SHB: variants seen among roughly 807,000 people sequenced by gnomAD.
The protein encoded by SHB is SH2 domain containing adaptor protein B, also known as SH2 domain-containing adapter protein B.
SHB carries 20 observed loss-of-function variants against 52.3 expected under a neutral mutation model. That is an observed-to-expected ratio of 0.38 (90% CI 0.27 to 0.56). SHB has a LOEUF of 0.56. SHB is among the 20% of genes least tolerant of loss of function. SHB has a pLI of 0.71. For synonymous variants in SHB, 397 were observed against 316.5 expected, an observed-to-expected ratio of 1.25 and a Z score of -2.70; for missense variants, 825 against 723.3, an observed-to-expected ratio of 1.14 and a Z score of -1.61.
intron 1 of SHB, among the ~76,000 whole-genome samples, chr9:38,019,680 G>C (rs2118086042): frequency 6.6e-6 from 1 of 152,284 alleles, no homozygotes; most frequent in East Asian, 1.9e-4. Context: ...GTAACTTTGG[G>C]CAGAATCCAT....
At chr9:37,928,286 A>C (rs1387374144) in intron 5 of SHB, among the ~76,000 whole-genome samples, 3 of 152,220 alleles carry the variant, frequency 2.0e-5, no homozygotes, top group Non-Finnish European at 4.4e-5. Context: ...GCCACAGTGG[A>C]TCCTGGGCTT....
At chr9:37,979,245 C>T (rs550590148) in intron 2 of SHB, among the ~76,000 whole-genome samples, 2 of 152,232 alleles carry the variant, frequency 1.3e-5, no homozygotes, top group Non-Finnish European at 2.9e-5. Flanking sequence ...TAATTTCATG[C>T]CTCTTAGGCA....
chr9:37,920,961 G>A lies in SHB; in HGVS notation c.1347-957C>T, dbSNP rs563367289. 7.2e-5 allele frequency among the ~76,000 whole-genome samples: 11 copies of A among 152,194 alleles called. No homozygotes were observed. In the East Asian group the frequency reaches 2.1e-3, roughly 29 times the overall value. On this transcript the variant is annotated intron_variant, in intron 5 of 5. Transcript: ENST00000377707. The stretch of plus-strand genomic sequence containing the variant: ...TTGCAGCCTGCCTGCATCAGCTCAC[G>A]AGGGCCAAAGCCACAGTCCTCCCAC...
chr9:38,048,748 T>C (rs564449797), intron 1 of SHB, among the ~76,000 whole-genome samples: 39 of 152,356 alleles, frequency 2.6e-4, no homozygotes, highest in Non-Finnish European at 5.1e-4. Flanking sequence ...GTTGGCTGTA[T>C]TCCCTCTCAC....
chr9:37,927,576 A>G (rs917425508), intron 5 of SHB, among the ~76,000 whole-genome samples: 2 of 152,264 alleles, frequency 1.3e-5, no homozygotes, highest in Non-Finnish European at 2.9e-5. Context: ...ATGTAGAGGC[A>G]TAAGGCTCGT....
intron 2 of SHB, among the ~76,000 whole-genome samples, chr9:37,978,782 T>C (rs1820686630): frequency 1.3e-5 from 2 of 152,158 alleles, no homozygotes; most frequent in Admixed American, 6.5e-5. Context: ...ACAGCTACTG[T>C]GTAGAGGAGA....
intron 1 of SHB, among the ~76,000 whole-genome samples, chr9:38,067,241 G>A (rs1000487148): frequency 1.3e-5 from 2 of 152,168 alleles, no homozygotes; most frequent in African/African-American, 4.8e-5. Flanking sequence ...TTCCAGCCGG[G>A]CCTGATAGGC....
intron 5 of SHB, among the ~76,000 whole-genome samples, chr9:37,925,660 G>C (rs1035107282): frequency 5.9e-5 from 9 of 152,196 alleles, no homozygotes; most frequent in Admixed American, 5.9e-4. Flanking sequence ...CTAAGTGGCT[G>C]CGTCTTTTCT....
chr9:37,993,592 C>A (rs1301005809), intron 2 of SHB, among the ~76,000 whole-genome samples: 2 of 151,600 alleles, frequency 1.3e-5, no homozygotes, highest in Admixed American at 6.6e-5. Context: ...ATGAAGAAAT[C>A]CTATTCTTTA....
chr9:38,058,305 A>G (rs943941), intron 1 of SHB, among the ~76,000 whole-genome samples: 82,754 of 151,984 alleles, frequency 0.54, 22,836 homozygotes, highest in Middle Eastern at 0.61. Flanking sequence ...GCACCTCCTG[A>G]CCCCAGAGGG....
chr9:37,986,957 T>G (rs939205803), intron 2 of SHB, among the ~76,000 whole-genome samples: 1 of 152,186 alleles, frequency 6.6e-6, no homozygotes, highest in Non-Finnish European at 1.5e-5. Context: ...CACGGTGCGG[T>G]CTCTGCCTCC....
chr9:38,055,102 T>C (rs1466991456), intron 1 of SHB, among the ~76,000 whole-genome samples: 2 of 152,218 alleles, frequency 1.3e-5, no homozygotes, highest in Non-Finnish European at 2.9e-5. Context: ...TGTAAAATGC[T>C]ATGCAGGTAA....
In SHB at chr9:37,996,359, G is replaced by A. The variant is rs867515581; in HGVS notation, c.838+19652C>T. ...TCATGGTTGAAGCCTGCTCAACAGG[G>A]AGAAATAGCACATAGCTGGGACAGC... On this transcript the variant is annotated intron_variant, in intron 2 of 5. Transcript: ENST00000377707. Among the ~76,000 whole-genome samples, 3 of 152,348 alleles carry A rather than the reference G, an allele frequency of 2.0e-5. No individual in the cohort carries two copies. The Middle Eastern group carries it at 0.01, about 518-fold the overall frequency.
chr9:37,939,693 T>C (rs1296259698), intron 5 of SHB, among the ~76,000 whole-genome samples: 2 of 152,166 alleles, frequency 1.3e-5, no homozygotes, highest in African/African-American at 4.8e-5. Context: ...TAGGGAGGAA[T>C]GGGGGTGTTT....
chr9:37,990,253 T>C (rs1250901605), intron 2 of SHB, among the ~76,000 whole-genome samples: 4 of 152,110 alleles, frequency 2.6e-5, no homozygotes, highest in Non-Finnish European at 4.4e-5. Context: ...GTCAAGGGTG[T>C]TGGAGGTGGT....
intron 1 of SHB, among the ~76,000 whole-genome samples, chr9:38,034,927 C>T (rs1821465908): frequency 6.6e-6 from 1 of 152,204 alleles, no homozygotes; most frequent in Admixed American, 6.5e-5. Context: ...GAACTCCTGG[C>T]CTCAGGTGAT....
At chr9:37,996,368 C>T (rs192405256) in intron 2 of SHB, among the ~76,000 whole-genome samples, 198 of 152,374 alleles carry the variant, frequency 1.3e-3, no homozygotes, top group African/African-American at 4.7e-3. Flanking sequence ...GGAGAAATAG[C>T]ACATAGCTGG....
Position 37,919,759 on chromosome 9 carries a change from G to T in SHB, c.*62C>A. 2 of 1,377,362 alleles carry T rather than the reference G, an allele frequency of 1.5e-6. No homozygotes were observed. Among genetic ancestry groups the T allele is most frequent in the South Asian group, 1.2e-5 (1 of 82,870 alleles). The allele number at this position is 1,377,362 out of a possible 1,614,324, so 85.3% of individuals were successfully genotyped here. Reference sequence around the variant, plus strand: ...AGCAACAGTGGCTGGGCTGGTTGGTGGGGGGCCTCTGGCACCTCCAAGTCT... The same window carrying T: ...AGCAACAGTGGCTGGGCTGGTTGGTTGGGGGCCTCTGGCACCTCCAAGTCT... On this transcript the variant is annotated 3_prime_UTR_variant, in exon 6 of 6. Transcript: ENST00000377707.
chr9:38,068,429 C>T lies in SHB; in HGVS notation c.217G>A (p.Asp73Asn). The T allele has an allele frequency of 1.3e-6, 2 of 1,556,782 alleles. No individual in the cohort carries two copies. The highest frequency in any genetic ancestry group is 1.7e-6 in the Non-Finnish European group (2 of 1,155,556). The change falls in exon 1 of 6, where the codon GAC becomes AAC. Residue 73 changes from aspartate (D) to asparagine (N), a missense_variant. By Grantham distance (23) the Asp-to-Asn change is conservative (BLOSUM62 1). Transcript: ENST00000377707. ...ATGAGGTCGCTGGTGCTGCCGCTGT[C>T]GTCGGGCAGCGAGCCCGAAGAGGCT... is the stretch of plus-strand genomic sequence containing the variant. ...FSASSGSLPD[D>N]SGSTSDLIRA...
Sources: allele counts gnomAD v4.1 joint callset (sites outside exome capture counted in the v4.1 genomes callset), GRCh38; gene constraint gnomAD v4.1.1; transcripts MANE v1.5; gene names NCBI Gene and HGNC (gene_info 2026-07-23, HGNC 2026-07-21).